PARP4: variants seen among roughly 807,000 people sequenced by gnomAD.
The protein encoded by PARP4 is poly(ADP-ribose) polymerase family member 4.
PARP4 carries 120 observed loss-of-function variants against 187.7 expected under a neutral mutation model. That is an observed-to-expected ratio of 0.64 (90% CI 0.55 to 0.74). The LOEUF (loss-of-function observed/expected upper bound fraction) is 0.74. PARP4 is among the 30% of genes least tolerant of loss of function. The pLI is 0.00. For missense variants in PARP4, 1,836 were observed against 2,070.5 expected (o/e 0.89, Z 2.20); for synonymous variants, 654 against 740.9 (o/e 0.88, Z 1.90).
chr13:24,480,002 CA>C (rs1380215265), intron 12 of PARP4, among the ~76,000 whole-genome samples: 1 of 152,128 alleles, frequency 6.6e-6, no homozygotes, highest in Non-Finnish European at 1.5e-5. Flanking sequence ...CGAAGGTCTG[CA>C]GCTTCACTCC....
intron 1 of PARP4, among the ~76,000 whole-genome samples, chr13:24,508,703 G>A (rs143661623): frequency 0.015 from 2,220 of 152,048 alleles, 60 homozygotes; most frequent in African/African-American, 0.051. Context: ...TAGTAGAGAC[G>A]GGGTTTCACC....
chr13:24,443,341 G>A (rs1334729674), intron 28 of PARP4, among the ~76,000 whole-genome samples: 2 of 152,170 alleles, frequency 1.3e-5, no homozygotes, highest in Non-Finnish European at 2.9e-5. Flanking sequence ...CCACACGAGA[G>A]ATCTGAGGTG....
chr13:24,448,881 C>T (rs1871349143), intron 25 of PARP4, among the ~76,000 whole-genome samples: 1 of 152,188 alleles, frequency 6.6e-6, no homozygotes, highest in African/African-American at 2.4e-5. Context: ...GGGACAATGT[C>T]CTATGACTCC....
chr13:24,475,482 G>A lies in PARP4; in HGVS notation c.1904C>T (p.Thr635Ile). 1 of 1,613,904 alleles carries A rather than the reference G, an allele frequency of 6.2e-7. No homozygotes were observed. The highest frequency in any genetic ancestry group is 8.5e-7 in the Non-Finnish European group (1 of 1,179,734). The stretch of plus-strand genomic sequence containing the variant: ...CCACAGACAACATACCTGGGCTACA[G>A]TGTCTATGATTCTCCCTTTGATGTG... ...DVHIKGRIID[T>I]VAQVIVFQTY... Residue 635 changes from threonine (T) to isoleucine (I), a missense_variant, in exon 15 of 34, where the codon ACT (threonine) becomes ATT (isoleucine). Thr to Ile is a moderately conservative substitution (Grantham distance 89). This residue lies in a region of PARP4 where 1,147 missense variants were observed against 1,214.2 expected (regional missense o/e 0.94). Transcript: ENST00000381989.
chr13:24,435,091 G>A lies in PARP4; in HGVS notation c.4050C>T (p.Phe1350=), dbSNP rs145651021. 2.1e-4 allele frequency: 343 copies of A among 1,614,030 alleles called. 2 individuals carry two copies. Among genetic ancestry groups the A allele is most frequent in the Non-Finnish European group, 2.6e-4 (301 of 1,180,028 alleles). The change falls in exon 31 of 34, where the codon TTC becomes TTT. Residue 1350 remains phenylalanine (F), a synonymous_variant. Coordinates refer to ENST00000381989, the MANE Select transcript of PARP4 (RefSeq NM_006437.4). ...ACTGTCTGGGAGGAGCAGCTGAACCGAAACTAGCTACCTGACGATATGAGG... is the reference window on the plus strand; with the variant it reads ...ACTGTCTGGGAGGAGCAGCTGAACCAAAACTAGCTACCTGACGATATGAGG... The part of the protein sequence containing the change: ...SFASYRQVAS[F]GSAAPPRQFD...
chr13:24,501,810 C>T lies in PARP4; in HGVS notation c.157G>A (p.Ala53Thr). 1 of 1,611,288 alleles carries T rather than the reference C, an allele frequency of 6.2e-7. No individual in the cohort carries two copies. The highest frequency in any genetic ancestry group is 8.5e-7 in the Non-Finnish European group (1 of 1,177,582). ...PQCTHIILDN[A>T]DVLSQYQLNS... is the part of the protein sequence containing the mutation. ...AGTTGGTACTGACTCAGAACATCAG[C>T]ATTATCTAAGATTATATGTGTGCAC... The change falls in exon 3 of 34, where the codon GCT (alanine) becomes ACT (threonine). Residue 53 changes from alanine to threonine, a missense_variant. This residue lies in a region of PARP4 where 1,147 missense variants were observed against 1,214.2 expected (regional missense o/e 0.94). Transcript: ENST00000381989.
chr13:24,430,965 T>TA (rs1486252873), intron 32 of PARP4, among the ~76,000 whole-genome samples: 4 of 152,198 alleles, frequency 2.6e-5, no homozygotes, highest in Non-Finnish European at 4.4e-5. Context: ...TCTTCTCTCT[T>TA]ACCAGGATAA....
intron 31 of PARP4, among the ~76,000 whole-genome samples, chr13:24,431,709 TTA>T (rs1870346322): frequency 6.6e-6 from 1 of 152,184 alleles, no homozygotes; most frequent in Admixed American, 6.5e-5. Flanking sequence ...AAAAAAGAAG[TTA>T]TGTGATAAAT....
intron 28 of PARP4, among the ~76,000 whole-genome samples, 158 bp downstream of exon 28, chr13:24,443,492 C>T (rs1374098995): frequency 6.6e-6 from 1 of 151,388 alleles, no homozygotes; most frequent in African/African-American, 2.4e-5. Context: ...ACCACACACC[C>T]CACATCCCAG....
chr13:24,452,724 G>A, intron 23 of PARP4, 131 bp from the exon 24 acceptor site: 1 of 655,798 alleles, frequency 1.5e-6, no homozygotes, highest in South Asian at 2.0e-5. Context: ...CCTAATTTGT[G>A]AAACAACTAA....
At chr13:24,511,642 A>G (rs1047333335) in intron 1 of PARP4, among the ~76,000 whole-genome samples, 2 of 152,214 alleles carry the variant, frequency 1.3e-5, no homozygotes, top group African/African-American at 2.4e-5. Context: ...TCCTCTCGGA[A>G]AACCCTGAGG....
chr13:24,503,824 C>G (rs368921141), intron 1 of PARP4, 47 bp from the exon 2 acceptor site: 1 of 1,535,384 alleles, frequency 6.5e-7, no homozygotes, highest in Non-Finnish European at 9.0e-7. Context: ...GTCAATATGA[C>G]AGTGAATTTA....
intron 15 of PARP4, among the ~76,000 whole-genome samples, chr13:24,473,047 C>T (rs947053408): frequency 1.3e-5 from 2 of 152,150 alleles, no homozygotes; most frequent in South Asian, 2.1e-4. Flanking sequence ...CCTCCCATCT[C>T]GACCTCCCAA....
chr13:24,498,402 C>T (rs536356464), intron 5 of PARP4, among the ~76,000 whole-genome samples, 173 bp from the exon 6 acceptor site: 17 of 152,202 alleles, frequency 1.1e-4, no homozygotes, highest in South Asian at 2.1e-4. Flanking sequence ...GAGAGCAATA[C>T]GATCACTATT....
intron 30 of PARP4, among the ~76,000 whole-genome samples, chr13:24,440,206 T>C (rs8002333): frequency 0.017 from 2,596 of 152,132 alleles, 68 homozygotes; most frequent in African/African-American, 0.059. Flanking sequence ...GAGACTAGCC[T>C]GGCCAACATG....
At chr13:24,468,037 C>G (rs927118775) in intron 17 of PARP4, among the ~76,000 whole-genome samples, 1 of 152,108 alleles carries the variant, frequency 6.6e-6, no homozygotes, top group Non-Finnish European at 1.5e-5. Flanking sequence ...GCCCCTAGCC[C>G]CAGCAAACAT....
intron 15 of PARP4, among the ~76,000 whole-genome samples, chr13:24,471,659 T>C (rs12868450): frequency 0.011 from 1,650 of 152,048 alleles, 40 homozygotes; most frequent in African/African-American, 0.037. Flanking sequence ...TGTTTCATCA[T>C]AAAATGAGTG....
chr13:24,469,598 C>T (rs541252075), intron 16 of PARP4, among the ~76,000 whole-genome samples: 1 of 152,324 alleles, frequency 6.6e-6, no homozygotes, highest in South Asian at 2.1e-4. Context: ...GCATGAGCCA[C>T]TGCACCCGGC....
chr13:24,437,184 C>T (rs1191681921), intron 30 of PARP4, among the ~76,000 whole-genome samples: 1 of 151,866 alleles, frequency 6.6e-6, no homozygotes, highest in Admixed American at 6.6e-5. Flanking sequence ...AAAGTTGGTT[C>T]CATATCTCTT....
Sources: allele counts gnomAD v4.1 joint callset (sites outside exome capture counted in the v4.1 genomes callset), GRCh38; gene constraint gnomAD v4.1.1; regional missense constraint gnomAD v4.1.1; transcripts MANE v1.5; gene names NCBI Gene and HGNC (gene_info 2026-07-23, HGNC 2026-07-21).